The following CRACD variants were observed in gnomAD, a reference collection of about 807,000 sequenced individuals.
The protein encoded by CRACD is capping protein inhibiting regulator of actin dynamics.
CRACD carries 56 observed loss-of-function variants against 106.8 expected under a neutral mutation model. That is an observed-to-expected ratio of 0.52 (90% CI 0.42 to 0.66). The LOEUF (loss-of-function observed/expected upper bound fraction) is 0.66. Among genes scored for constraint, CRACD ranks in the 30% least tolerant of loss-of-function variants. The probability of loss-of-function intolerance (pLI) is 0.00; values close to 1 mark genes in which losing one functional copy is unlikely to be tolerated. For missense variants in CRACD, 1,730 were observed against 1,623.2 expected, an observed-to-expected ratio of 1.07 and a Z score of -1.13; for synonymous variants, 754 against 670.8, an observed-to-expected ratio of 1.12 and a Z score of -1.92.
In CRACD at chr4:56,315,618, C is replaced by T. The variant is rs1745573054; in HGVS notation, c.2116C>T (p.Arg706Cys). 3 of 1,614,160 alleles carry T rather than the reference C, an allele frequency of 1.9e-6. No homozygotes were observed. The highest frequency in any genetic ancestry group is 1.1e-5 in the South Asian group (1 of 91,086). ...ESTPRGRCDS[R>C]GNQRKTPPVN... ...CACTCCCAGGGGCCGGTGTGATTCC[C>T]GCGGGAACCAACGGAAGACTCCGCC... Residue 706 changes from arginine (R) to cysteine (C), a missense_variant, in exon 8 of 11, where the codon CGC becomes TGC. Arg to Cys is a radical substitution (Grantham distance 180). This residue lies in a region of CRACD where 1,620 missense variants were observed against 1,481.6 expected (regional missense o/e 1.09). Transcript: ENST00000682029. The surrounding 1 kb of genome is among the most constrained non-coding windows in gnomAD (Gnocchi z 4.1).
chr4:56,210,969 T>A (rs1429581043), intron 2 of CRACD, among the ~76,000 whole-genome samples: 1 of 152,198 alleles, frequency 6.6e-6, no homozygotes, highest in Non-Finnish European at 1.5e-5. Context: ...TAAAGCATTT[T>A]ATTTGCCTTT....
At chr4:56,191,227 G>A (rs1737356087) in intron 2 of CRACD, among the ~76,000 whole-genome samples, 1 of 152,188 alleles carries the variant, frequency 6.6e-6, no homozygotes, top group Admixed American at 6.5e-5. Flanking sequence ...AGTCTCAAAT[G>A]AGTCAGCAGG....
intron 1 of CRACD, among the ~76,000 whole-genome samples, chr4:56,123,102 T>C (rs548144494): frequency 6.6e-6 from 1 of 152,290 alleles, no homozygotes; most frequent in Admixed American, 6.5e-5. Flanking sequence ...GGTAGTAGAG[T>C]GTAAATTACA....
chr4:56,310,795 C>CT (rs1416557327), intron 6 of CRACD, 61 bp downstream of exon 6: 26 of 966,646 alleles, frequency 2.7e-5, no homozygotes, highest in Non-Finnish European at 3.4e-5. Flanking sequence ...ATCTTCCCCC[C>CT]CCCTTTTTTT....
chr4:56,316,801 G>A, intron 8 of CRACD, 112 bp downstream of exon 8: 1 of 1,325,344 alleles, frequency 7.5e-7, no homozygotes, highest in Non-Finnish European at 1.0e-6. Context: ...ATACAGATTT[G>A]AAAAAGGAAA....
At chr4:56,055,360 C>G (rs146885074) in intron 1 of CRACD, among the ~76,000 whole-genome samples, 1 of 152,048 alleles carries the variant, frequency 6.6e-6, no homozygotes, top group East Asian at 1.9e-4. Context: ...TAATTGTTAA[C>G]CCCTTGTTAA....
intron 2 of CRACD, among the ~76,000 whole-genome samples, chr4:56,228,607 CAAAAA>C (rs35810086): frequency 3.9e-5 from 4 of 101,504 alleles, no homozygotes; most frequent in Non-Finnish European, 2.0e-5. Flanking sequence ...CCATCTCTAC[CAAAAA>C]AAAAAAAAAA....
At chr4:56,257,933 G>A (rs905604251) in intron 2 of CRACD, among the ~76,000 whole-genome samples, 1 of 152,000 alleles carries the variant, frequency 6.6e-6, no homozygotes, top group African/African-American at 2.4e-5. Flanking sequence ...AGCCGGGCAT[G>A]GTGGCGCGTG....
intron 2 of CRACD, among the ~76,000 whole-genome samples, chr4:56,267,124 G>GAT (rs113193363): frequency 8.0e-4 from 120 of 149,256 alleles, no homozygotes; most frequent in South Asian, 4.2e-3. Flanking sequence ...ATTTATTTAA[G>GAT]TTTTTTTTTT....
intron 1 of CRACD, among the ~76,000 whole-genome samples, chr4:56,166,602 CCTA>C (rs1278278802): frequency 7.1e-6 from 1 of 140,328 alleles, no homozygotes; most frequent in Non-Finnish European, 1.5e-5. Context: ...ATCGCTTAAA[CCTA>C]GGAAGCGGAG....
intron 2 of CRACD, among the ~76,000 whole-genome samples, chr4:56,219,683 T>A (rs1738924983): frequency 6.6e-6 from 1 of 152,342 alleles, no homozygotes; most frequent in South Asian, 2.1e-4. Flanking sequence ...AACATCCTGG[T>A]CAAGGTTATG....
intron 2 of CRACD, among the ~76,000 whole-genome samples, chr4:56,266,551 T>C (rs957533706): frequency 5.9e-5 from 9 of 152,380 alleles, no homozygotes; most frequent in South Asian, 2.1e-4. Context: ...TTTGCTAAAT[T>C]ATACTTCTAT....
At chr4:56,231,929 A>G (rs921470417) in intron 2 of CRACD, among the ~76,000 whole-genome samples, 1 of 152,256 alleles carries the variant, frequency 6.6e-6, no homozygotes, top group African/African-American at 2.4e-5. Context: ...GTCACTAAAG[A>G]ACATGTGTTG....
At chr4:56,282,741 A>T (rs1440494969) in intron 3 of CRACD, among the ~76,000 whole-genome samples, 2 of 152,178 alleles carry the variant, frequency 1.3e-5, no homozygotes, top group Non-Finnish European at 2.9e-5. Flanking sequence ...TCATAGGCGG[A>T]TGACAAAGAC....
rs1405107232 is a variant in CRACD at position 56,324,044 on chromosome 4, T to G, written c.3379-60T>G. 16 of 1,536,306 alleles carry G rather than the reference T, an allele frequency of 1.0e-5. No homozygotes were observed. The African/African-American group carries it at 1.1e-4, about 10-fold the overall frequency. On this transcript the variant is annotated intron_variant, in intron 9 of 10. Transcript: ENST00000682029. ...GCAGAGGCCCCGAAGGCCTGCAGGG[T>G]CAGTCTTTCCATGTCTTAGGTTGAA... is the stretch of plus-strand genomic sequence containing the variant.
chr4:56,264,393 C>A (rs942220660), intron 2 of CRACD, among the ~76,000 whole-genome samples: 4 of 152,110 alleles, frequency 2.6e-5, no homozygotes, highest in Admixed American at 2.6e-4. Flanking sequence ...GAGAAGGAAG[C>A]AAATCCAAGT....
At chr4:56,087,904 A>G (rs920255720) in intron 1 of CRACD, among the ~76,000 whole-genome samples, 13 of 152,000 alleles carry the variant, frequency 8.6e-5, no homozygotes, top group Middle Eastern at 3.2e-3. Context: ...GTCTGCTACC[A>G]TGTCGCTAAT....
intron 10 of CRACD, among the ~76,000 whole-genome samples, chr4:56,324,995 A>G (rs1002033663): frequency 3.2e-4 from 49 of 152,320 alleles, no homozygotes; most frequent in African/African-American, 1.2e-3. Flanking sequence ...CAAAATATAT[A>G]CAAGTATGGT....
chr4:56,145,662 A>C (rs1490594756), intron 1 of CRACD, among the ~76,000 whole-genome samples: 5 of 151,436 alleles, frequency 3.3e-5, no homozygotes, highest in Non-Finnish European at 7.4e-5. Flanking sequence ...CCCAGGCTGG[A>C]GTGCGGTGTT....
Sources: allele counts gnomAD v4.1 joint callset (sites outside exome capture counted in the v4.1 genomes callset), GRCh38; gene constraint gnomAD v4.1.1; regional missense constraint gnomAD v4.1.1; non-coding constraint Gnocchi (gnomAD v3.1); transcripts MANE v1.5; gene names NCBI Gene and HGNC (gene_info 2026-07-23, HGNC 2026-07-21).